The following NRXN1 variants were observed in gnomAD, a reference collection of about 807,000 sequenced individuals.
NRXN1 encodes the protein neurexin 1.
Under a neutral mutation model 150.9 loss-of-function variants are expected in NRXN1, and 39 were observed. That is an observed-to-expected ratio of 0.26 (90% CI 0.20 to 0.34). The LOEUF is 0.34. Among genes scored for constraint, NRXN1 ranks in the 10% least tolerant of loss-of-function variants. The probability of loss-of-function intolerance (pLI) is 1.00; values close to 1 mark genes in which losing one functional copy is unlikely to be tolerated. For synonymous variants in NRXN1, 924 were observed against 757.0 expected (o/e 1.22, Z -3.62); for missense variants, 1,815 against 1,949.9 (o/e 0.93, Z 1.30).
In NRXN1 at chr2:50,725,093, T is replaced by C. The variant is rs1409551921; in HGVS notation, c.833-101478A>G. The stretch of plus-strand genomic sequence containing the variant: ...TTGCACATTCAGATTTAGATTACTG[T>C]AAATACAAAGCCACCATGTGTGTGA... On this transcript the variant is annotated intron_variant, in intron 5 of 22. Coordinates refer to ENST00000401669, the MANE Select transcript of NRXN1 (RefSeq NM_001330078.2). 1.3e-5 allele frequency among the ~76,000 whole-genome samples: 2 copies of C among 152,212 alleles called. 1 individual carries two copies. Among genetic ancestry groups the C allele is most frequent in the South Asian group, 4.2e-4 (2 of 4,818 alleles).
At chr2:50,939,983 A>G (rs1373689620) in intron 2 of NRXN1, among the ~76,000 whole-genome samples, 4 of 152,172 alleles carry the variant, frequency 2.6e-5, no homozygotes, top group Admixed American at 2.6e-4. Flanking sequence ...AAAGCCATCA[A>G]TTAAATTTTT....
At chr2:50,933,800 G>T (rs1051193102) in intron 2 of NRXN1, among the ~76,000 whole-genome samples, 5 of 151,902 alleles carry the variant, frequency 3.3e-5, no homozygotes, top group Non-Finnish European at 7.4e-5. Flanking sequence ...CACTACTTAA[G>T]AAAACATGCT....
chr2:50,508,609 CTTCTA>C (rs1420918204), intron 12 of NRXN1, among the ~76,000 whole-genome samples: 9 of 151,740 alleles, frequency 5.9e-5, no homozygotes, highest in African/African-American at 1.9e-4. Flanking sequence ...AGCAGCTTCA[CTTCTA>C]TTCTTTTCTT....
At chr2:50,431,745 G>A (rs887387466) in intron 17 of NRXN1, among the ~76,000 whole-genome samples, 9 of 152,134 alleles carry the variant, frequency 5.9e-5, no homozygotes. Context: ...CTGCAACAGA[G>A]GCTGTATGAT....
chr2:50,337,063 G>A lies in NRXN1; in HGVS notation c.3365-100093C>T, dbSNP rs141766385. Among the ~76,000 whole-genome samples the A allele has an allele frequency of 3.3e-4, 50 of 151,532 alleles. No homozygotes were observed. In the East Asian group the frequency reaches 9.5e-3, roughly 29 times the overall value. On this transcript the variant is annotated intron_variant, in intron 17 of 22. Transcript: ENST00000401669. Reference sequence around the variant, plus strand: ...AGCATAATGTAGAGGTTAAAAGCATGGACTTTCTTTTTTCTTTTTCTTTTT... The same window carrying A: ...AGCATAATGTAGAGGTTAAAAGCATAGACTTTCTTTTTTCTTTTTCTTTTT...
intron 5 of NRXN1, among the ~76,000 whole-genome samples, chr2:50,760,250 CATCAGT>C (rs1701652562): frequency 6.6e-6 from 1 of 151,856 alleles, no homozygotes; most frequent in Non-Finnish European, 1.5e-5. Flanking sequence ...CACATCTTTT[CATCAGT>C]ATAAGAGTCT....
At chr2:50,873,160 G>C (rs1046347715) in intron 5 of NRXN1, among the ~76,000 whole-genome samples, 1 of 151,808 alleles carries the variant, frequency 6.6e-6, no homozygotes, top group Non-Finnish European at 1.5e-5. Context: ...TCTTTATAAT[G>C]AAGTAACCAT....
intron 12 of NRXN1, 33 bp downstream of exon 12, chr2:50,528,592 A>C: frequency 8.0e-7 from 1 of 1,250,274 alleles, no homozygotes; most frequent in Non-Finnish European, 1.2e-6. Flanking sequence ...TAATGGAGGA[A>C]TAACATTTTA....
chr2:51,001,268 T>G, intron 2 of NRXN1, among the ~76,000 whole-genome samples: 1 of 149,252 alleles, frequency 6.7e-6, no homozygotes, highest in Non-Finnish European at 1.5e-5. Flanking sequence ...GGAGGACAAG[T>G]CATTTTCCTA....
chr2:50,112,415 G>A (rs1702495164), intron 18 of NRXN1, among the ~76,000 whole-genome samples: 1 of 152,168 alleles, frequency 6.6e-6, no homozygotes, highest in African/African-American at 2.4e-5. Flanking sequence ...TCCCTTCGTT[G>A]TTCAGCCTTC....
intron 21 of NRXN1, among the ~76,000 whole-genome samples, chr2:49,947,250 G>T (rs149114596): frequency 6.6e-6 from 1 of 151,992 alleles, no homozygotes; most frequent in East Asian, 1.9e-4. Context: ...AATCAATATA[G>T]TGTTGTTCCT....
At chr2:50,833,476 G>T (rs1671688321) in intron 5 of NRXN1, among the ~76,000 whole-genome samples, 2 of 152,130 alleles carry the variant, frequency 1.3e-5, no homozygotes, top group Non-Finnish European at 2.9e-5. Flanking sequence ...CCAATAAAAA[G>T]GAGCAATCTA....
chr2:50,652,610 C>CT (rs780262777), intron 5 of NRXN1, among the ~76,000 whole-genome samples: 1 of 152,042 alleles, frequency 6.6e-6, no homozygotes, highest in Non-Finnish European at 1.5e-5. Flanking sequence ...CACATCTGTG[C>CT]TATTTCTACT....
chr2:50,300,446 G>T (rs142273921), intron 17 of NRXN1, among the ~76,000 whole-genome samples: 2 of 152,172 alleles, frequency 1.3e-5, no homozygotes, highest in African/African-American at 2.4e-5. Context: ...CTCCAGGAGG[G>T]TTTATCTGTG....
intron 15 of NRXN1, among the ~76,000 whole-genome samples, chr2:50,480,937 T>C (rs779520341): frequency 4.6e-5 from 7 of 152,208 alleles, no homozygotes; most frequent in African/African-American, 1.7e-4. Context: ...TCTGACTTCA[T>C]CATTATAATA....
chr2:50,077,786 C>G (rs187300590), intron 19 of NRXN1, among the ~76,000 whole-genome samples: 43 of 152,072 alleles, frequency 2.8e-4, no homozygotes, highest in African/African-American at 1.0e-3. Context: ...TAGATATATT[C>G]TTTTTGGATT....
chr2:49,965,547 T>A (rs890899993), intron 21 of NRXN1, among the ~76,000 whole-genome samples: 9 of 152,052 alleles, frequency 5.9e-5, no homozygotes, highest in African/African-American at 2.2e-4. Flanking sequence ...GGATTACAGG[T>A]GTGAGCCACT....
At chr2:50,355,394 A>G (rs1221380698) in intron 17 of NRXN1, among the ~76,000 whole-genome samples, 1 of 151,798 alleles carries the variant, frequency 6.6e-6, no homozygotes, top group Non-Finnish European at 1.5e-5. Context: ...CCTTTTTACC[A>G]GGTAAAATTA....
intron 12 of NRXN1, among the ~76,000 whole-genome samples, chr2:50,512,825 G>C (rs1321722243): frequency 1.3e-5 from 2 of 152,144 alleles, no homozygotes; most frequent in African/African-American, 2.4e-5. Flanking sequence ...TTGGATAGCA[G>C]AATCAGTACA....
Sources: allele counts gnomAD v4.1 joint callset (sites outside exome capture counted in the v4.1 genomes callset), GRCh38; gene constraint gnomAD v4.1.1; transcripts MANE v1.5; gene names NCBI Gene and HGNC (gene_info 2026-07-23, HGNC 2026-07-21).